The following GPC5 variants were observed in gnomAD, a reference collection of about 807,000 sequenced individuals.
GPC5 encodes the protein glypican 5, also known as glypican-5.
In GPC5, 47 loss-of-function variants were observed where a neutral mutation model predicts 53.9. The observed-to-expected ratio is 0.87, with a 90% CI of 0.69 to 1.11. GPC5 has a LOEUF of 1.11. Among genes scored for constraint, GPC5 ranks in the 50% most tolerant of loss-of-function variants. The probability of loss-of-function intolerance (pLI) is 0.00; values close to 1 mark genes in which losing one functional copy is unlikely to be tolerated. For missense variants in GPC5, 748 were observed against 713.1 expected, an observed-to-expected ratio of 1.05 and a Z score of -0.56; for synonymous variants, 286 against 263.3, an observed-to-expected ratio of 1.09 and a Z score of -0.84.
chr13:92,481,250 A>G (rs1289838790), intron 7 of GPC5, among the ~76,000 whole-genome samples: 2 of 151,692 alleles, frequency 1.3e-5, no homozygotes, highest in Admixed American at 6.6e-5. Flanking sequence ...ACAGGTGCCC[A>G]CCACCATGCC....
At chr13:92,100,058 C>T (rs751983858) in intron 6 of GPC5, among the ~76,000 whole-genome samples, 20 of 151,938 alleles carry the variant, frequency 1.3e-4, no homozygotes, top group Admixed American at 2.6e-4. Flanking sequence ...ATGACCTGAG[C>T]GTAAACTCCT....
chr13:91,446,446 T>G (rs916371373), intron 1 of GPC5, among the ~76,000 whole-genome samples: 11 of 152,186 alleles, frequency 7.2e-5, no homozygotes, highest in African/African-American at 2.7e-4. Flanking sequence ...GAAACATGAC[T>G]GTCACTCCAG....
At chr13:92,317,781 A>AT (rs2043189487) in intron 7 of GPC5, among the ~76,000 whole-genome samples, 1 of 152,102 alleles carries the variant, frequency 6.6e-6, no homozygotes, top group Non-Finnish European at 1.5e-5. Context: ...GATTACAGGC[A>AT]TGAGCCACCG....
intron 1 of GPC5, among the ~76,000 whole-genome samples, chr13:91,438,967 G>A (rs748126491): frequency 1.2e-4 from 18 of 152,342 alleles, no homozygotes; most frequent in South Asian, 2.1e-4. Context: ...AGCCAGGTGC[G>A]GGATATAATC....
chr13:92,598,276 A>T (rs956610224), intron 7 of GPC5, among the ~76,000 whole-genome samples: 5 of 152,238 alleles, frequency 3.3e-5, no homozygotes, highest in African/African-American at 1.2e-4. Flanking sequence ...TATAAAATGC[A>T]TATGAATGCA....
At chr13:92,541,259 G>A (rs1881922208) in intron 7 of GPC5, among the ~76,000 whole-genome samples, 1 of 151,746 alleles carries the variant, frequency 6.6e-6, no homozygotes, top group Non-Finnish European at 1.5e-5. Context: ...GTGTTACTAT[G>A]GTGTTTGGCA....
At chr13:91,610,078 A>G (rs1414069566) in intron 2 of GPC5, among the ~76,000 whole-genome samples, 1 of 152,208 alleles carries the variant, frequency 6.6e-6, no homozygotes, top group Non-Finnish European at 1.5e-5. Context: ...GGTGATGATT[A>G]TCAAGTGAGC....
intron 5 of GPC5, among the ~76,000 whole-genome samples, chr13:91,776,337 G>C (rs1202110023): frequency 2.6e-5 from 4 of 152,126 alleles, no homozygotes; most frequent in Non-Finnish European, 2.9e-5. Flanking sequence ...TGATTATAAA[G>C]GTGGAAATTA....
chr13:91,512,940 C>G (rs1186395678), intron 2 of GPC5, among the ~76,000 whole-genome samples: 1 of 151,832 alleles, frequency 6.6e-6, no homozygotes, highest in Non-Finnish European at 1.5e-5. Context: ...TTCTTGATAA[C>G]TTTTTACATC....
intron 2 of GPC5, among the ~76,000 whole-genome samples, chr13:91,599,765 TAA>T (rs1035465347): frequency 2.0e-5 from 3 of 152,210 alleles, no homozygotes; most frequent in African/African-American, 7.2e-5. Context: ...AAACATGTTA[TAA>T]ATTGGATAAG....
intron 7 of GPC5, among the ~76,000 whole-genome samples, chr13:92,678,556 T>G (rs1887019137): frequency 6.6e-6 from 1 of 152,164 alleles, no homozygotes; most frequent in African/African-American, 2.4e-5. Flanking sequence ...TCTGCTTTGT[T>G]TAAGGGACAG....
intron 3 of GPC5, among the ~76,000 whole-genome samples, chr13:91,699,424 T>A (rs2035949398): frequency 6.6e-6 from 1 of 152,226 alleles, no homozygotes; most frequent in Admixed American, 6.5e-5. Flanking sequence ...CAATTTTAGA[T>A]ATTTTAATTT....
At chr13:92,598,496 A>T (rs1342166082) in intron 7 of GPC5, among the ~76,000 whole-genome samples, 2 of 152,162 alleles carry the variant, frequency 1.3e-5, no homozygotes, top group African/African-American at 4.8e-5. Flanking sequence ...CTAGATTATG[A>T]AGATTTTTGT....
chr13:92,112,231 C>T (rs1053978112), intron 6 of GPC5, among the ~76,000 whole-genome samples: 5 of 151,870 alleles, frequency 3.3e-5, no homozygotes, highest in East Asian at 1.9e-4. Context: ...ATCTTGACTG[C>T]GGAGACATCA....
At chr13:92,450,265 G>C (rs1221864692) in intron 7 of GPC5, among the ~76,000 whole-genome samples, 1 of 152,120 alleles carries the variant, frequency 6.6e-6, no homozygotes, top group Non-Finnish European at 1.5e-5. Context: ...AAAAGCTTGA[G>C]AACAGAAGTA....
chr13:92,385,730 T>C lies in GPC5; in HGVS notation c.1561+240741T>C, dbSNP rs372009656. On this transcript the variant is annotated intron_variant, in intron 7 of 7. Transcript: ENST00000377067. The stretch of plus-strand genomic sequence containing the variant: ...ATATACACATATATACATATATACA[T>C]GTATATATACGTATATATACACGTG... 8.8e-5 allele frequency among the ~76,000 whole-genome samples: 12 copies of C among 135,996 alleles called. No homozygotes were observed. The East Asian group carries it at 2.4e-3, about 27-fold the overall frequency. The allele number at this position is 135,996 out of a possible 152,430, so 89.2% of individuals were successfully genotyped here. A position where few individuals can be genotyped will look rare whatever the true frequency, so the allele number is the denominator to read the frequency against.
chr13:92,057,756 G>A (rs139607062), intron 6 of GPC5, among the ~76,000 whole-genome samples: 2 of 152,172 alleles, frequency 1.3e-5, no homozygotes, highest in Non-Finnish European at 2.9e-5. Context: ...TTATCTGGAG[G>A]CTAATAGTAC....
chr13:92,297,125 C>A (rs2043042243), intron 7 of GPC5, among the ~76,000 whole-genome samples: 1 of 152,254 alleles, frequency 6.6e-6, no homozygotes, highest in South Asian at 2.1e-4. Context: ...GCCAGCTGGG[C>A]TCCTGAGTCT....
At chr13:91,907,523 A>ATATATATATATATATG (rs1188245475) in intron 5 of GPC5, among the ~76,000 whole-genome samples, 4 of 145,144 alleles carry the variant, frequency 2.8e-5, no homozygotes, top group African/African-American at 1.0e-4. Context: ...ATATATATAT[A>ATATATATATATATATG]TAGTATATAT....
Sources: allele counts gnomAD v4.1 joint callset (sites outside exome capture counted in the v4.1 genomes callset), GRCh38; gene constraint gnomAD v4.1.1; transcripts MANE v1.5; gene names NCBI Gene and HGNC (gene_info 2026-07-23, HGNC 2026-07-21).